Variants in ZMYND11 observed in about 807,000 individuals in gnomAD.
ZMYND11 encodes zinc finger MYND domain-containing protein 11.
Under a neutral mutation model 84.9 loss-of-function variants are expected in ZMYND11, and 9 were observed. The observed-to-expected ratio is 0.11, with a 90% CI of 0.06 to 0.18. The LOEUF is 0.18. ZMYND11 is among the 10% of genes least tolerant of loss of function. The probability of loss-of-function intolerance (pLI) is 1.00; values close to 1 mark genes in which losing one functional copy is unlikely to be tolerated. For synonymous variants in ZMYND11, 250 were observed against 244.1 expected (o/e 1.02, Z -0.23); for missense variants, 409 against 761.0 (o/e 0.54, Z 5.44).
chr10:247,133 G>A (rs1305978000), intron 11 of ZMYND11, 160 bp downstream of exon 11: 6 of 803,652 alleles, frequency 7.5e-6, no homozygotes, highest in Non-Finnish European at 1.2e-5. Flanking sequence ...CAGTTCAAAT[G>A]AATACATAGA....
intron 2 of ZMYND11, among the ~76,000 whole-genome samples, chr10:186,282 A>G (rs1490917563): frequency 6.6e-6 from 1 of 151,430 alleles, no homozygotes; most frequent in Non-Finnish European, 1.5e-5. Flanking sequence ...AAGTGCTGGG[A>G]CTAGAGGTGT....
chr10:182,724 C>G (rs1169787480), intron 2 of ZMYND11, among the ~76,000 whole-genome samples: 1 of 152,224 alleles, frequency 6.6e-6, no homozygotes, highest in Admixed American at 6.5e-5. Flanking sequence ...CCTAACCCGG[C>G]CAGTGCCTTT....
rs1235551068 is a variant in ZMYND11 at position 221,301 on chromosome 10, C to T, written c.383C>T (p.Ser128Phe). 6.2e-7 allele frequency: 1 copy of T among 1,613,962 alleles called. No homozygotes were observed. Among genetic ancestry groups the T allele is most frequent in the South Asian group, 1.1e-5 (1 of 91,064 alleles). The change falls in exon 4 of 15, where the codon TCT becomes TTT. Residue 128 changes from serine to phenylalanine, a missense_variant. Physicochemically the swap from Ser to Phe is radical, Grantham distance 155. Coordinates refer to ENST00000381604, the MANE Select transcript of ZMYND11 (RefSeq NM_001370100.5). ...CFRVYHSKCL[S>F]DEFRLRDSSS... ...CGTGTGTATCATTCCAAGTGTTTGT[C>T]TGATGAGTTCAGGCTTAGAGACAGC...
chr10:198,621 A>G (rs2448366), intron 2 of ZMYND11, among the ~76,000 whole-genome samples: 98,108 of 152,032 alleles, frequency 0.65, 31,872 homozygotes, highest in East Asian at 0.83. Context: ...TCTCGTTGGC[A>G]TTTTTCCTAG....
At chr10:130,915 C>T (rs182507827), upstream of ZMYND11, among the ~76,000 whole-genome samples, 84 of 152,078 alleles carry the variant, frequency 5.5e-4, no homozygotes, top group African/African-American at 1.5e-3. Context: ...CTCAGGAGTT[C>T]GAGACCAGCG....
At chr10:134,920 C>A (rs1211520913), upstream of ZMYND11, 1 of 150,662 alleles carries the variant, frequency 6.6e-6, no homozygotes, top group Non-Finnish European at 1.5e-5. Flanking sequence ...GGCTCCGGCC[C>A]CGGGCGGGAG....
intron 9 of ZMYND11, among the ~76,000 whole-genome samples, chr10:241,403 C>T (rs1950886958): frequency 6.6e-6 from 1 of 152,138 alleles, no homozygotes; most frequent in African/African-American, 2.4e-5. Flanking sequence ...GTCTCAAACT[C>T]CTGAGTTCAA....
intron 1 of ZMYND11, among the ~76,000 whole-genome samples, chr10:166,851 CCAT>C (rs1198823085): frequency 2.0e-5 from 3 of 152,056 alleles, no homozygotes; most frequent in African/African-American, 7.2e-5. Context: ...ACCCAAGTGT[CCAT>C]CAACAGTTGA....
chr10:242,683 A>AAGTCATACTT (rs1481175971), intron 10 of ZMYND11, among the ~76,000 whole-genome samples: 5 of 152,200 alleles, frequency 3.3e-5, no homozygotes, highest in African/African-American at 4.8e-5. Flanking sequence ...CATGATCTAA[A>AAGTCATACTT]AGTCATACTT....
intron 5 of ZMYND11, 133 bp downstream of exon 5, chr10:237,048 T>C (rs1950109700): frequency 2.6e-6 from 2 of 781,602 alleles, no homozygotes; most frequent in Non-Finnish European, 4.0e-6. Context: ...CACCCCGTCA[T>C]GTCATATTTC....
At chr10:246,639 C>A in intron 10 of ZMYND11, 127 bp from the exon 11 acceptor site, 1 of 847,466 alleles carries the variant, frequency 1.2e-6, no homozygotes, top group Non-Finnish European at 1.9e-6. Context: ...TGCTTTTGCA[C>A]CAAGCTAACA....
chr10:145,133 CAT>C (rs561129737), intron 1 of ZMYND11, among the ~76,000 whole-genome samples: 110 of 148,744 alleles, frequency 7.4e-4, no homozygotes, highest in African/African-American at 1.3e-3. Context: ...GAGAGTATTC[CAT>C]ATATATATGT....
At chr10:249,733 G>C (rs769104931) in intron 14 of ZMYND11, 141 of 985,218 alleles carry the variant, frequency 1.4e-4, no homozygotes, top group Non-Finnish European at 1.6e-4. Flanking sequence ...TTTTGCTCCC[G>C]AAAGCTCATA....
chr10:166,639 G>T (rs1361096879), intron 1 of ZMYND11, among the ~76,000 whole-genome samples: 2 of 152,080 alleles, frequency 1.3e-5, no homozygotes, highest in African/African-American at 2.4e-5. Context: ...GTACATTGCT[G>T]TTGGGATTGT....
intron 1 of ZMYND11, among the ~76,000 whole-genome samples, chr10:138,268 C>G (rs1554752850): frequency 1.4e-5 from 2 of 145,706 alleles, no homozygotes; most frequent in African/African-American, 5.1e-5. Flanking sequence ...TGCCACCACA[C>G]CTGGATAATT....
At chr10:195,741 A>G (rs538019428) in intron 2 of ZMYND11, among the ~76,000 whole-genome samples, 12 of 152,312 alleles carry the variant, frequency 7.9e-5, no homozygotes, top group African/African-American at 2.4e-4. Context: ...GGTGAGTGCC[A>G]CCAGGATGGG....
chr10:140,548 A>C (rs751812257), intron 1 of ZMYND11, among the ~76,000 whole-genome samples: 1 of 152,244 alleles, frequency 6.6e-6, no homozygotes, highest in Non-Finnish European at 1.5e-5. Flanking sequence ...TTGGCAAATT[A>C]TTAGACATAA....
chr10:146,012 G>C (rs1554755196), intron 1 of ZMYND11, among the ~76,000 whole-genome samples: 1 of 152,010 alleles, frequency 6.6e-6, no homozygotes, highest in Non-Finnish European at 1.5e-5. Context: ...TATGGTTTTT[G>C]GTTTTAGATT....
chr10:209,345 C>G (rs977120763), intron 2 of ZMYND11, among the ~76,000 whole-genome samples: 2 of 152,108 alleles, frequency 1.3e-5, no homozygotes, highest in Admixed American at 6.5e-5. Flanking sequence ...CACTGAAAAT[C>G]ACGTTTTTGC....
Sources: allele counts gnomAD v4.1 joint callset (sites outside exome capture counted in the v4.1 genomes callset), GRCh38; gene constraint gnomAD v4.1.1; transcripts MANE v1.5; gene names NCBI Gene and HGNC (gene_info 2026-07-23, HGNC 2026-07-21).